INCA1: variants seen among roughly 807,000 people sequenced by gnomAD.
INCA1 encodes the protein inhibitor of CDK, cyclin A1 interacting protein 1, also known as protein INCA1.
Under a neutral mutation model 25.7 loss-of-function variants are expected in INCA1, and 28 were observed. That is an observed-to-expected ratio of 1.09 (90% CI 0.81 to 1.49). The LOEUF is 1.49. Ranked by LOEUF, INCA1 falls within the 40% of genes most tolerant of loss-of-function variation. The pLI, the probability that INCA1 is intolerant of heterozygous loss-of-function variation, is 0.00. For synonymous variants in INCA1, 111 were observed against 103.6 expected (o/e 1.07, Z -0.43); for missense variants, 309 against 290.9 (o/e 1.06, Z -0.45).
intron 3 of INCA1, 78 bp downstream of exon 3, chr17:4,990,074 C>G (rs1458093620): frequency 2.5e-6 from 4 of 1,610,354 alleles, no homozygotes; most frequent in Non-Finnish European, 3.4e-6. Context: ...AGACTAGGGC[C>G]TATTGCTATA....
intron 2 of INCA1, among the ~76,000 whole-genome samples, 156 bp downstream of exon 2, chr17:4,994,238 A>C (rs545439462): frequency 6.6e-6 from 1 of 152,346 alleles, no homozygotes; most frequent in Admixed American, 6.5e-5. Flanking sequence ...TGTAGTGTTC[A>C]AACTATTTGT....
rs369158979 is a variant in INCA1, at chr17:4,988,569, G to T, written c.562-15C>A. ...GACCAAAGCAGCTGTCAAGATGAGAGAAATTGAAAAAGAAAATGGAAAAGT... is the reference window on the plus strand; with the variant it reads ...GACCAAAGCAGCTGTCAAGATGAGATAAATTGAAAAAGAAAATGGAAAAGT... On this transcript the variant is annotated splice_polypyrimidine_tract_variant and intron_variant, in intron 6 of 6. Coordinates refer to ENST00000576820, the Ensembl canonical transcript of INCA1. 7 of 1,605,918 alleles carry T rather than the reference G, an allele frequency of 4.4e-6. No homozygotes were observed. Among genetic ancestry groups the T allele is most frequent in the Non-Finnish European group, 5.9e-6 (7 of 1,177,978 alleles).
chr17:4,988,550 A>C (rs1394312815), exon 7 of INCA1: 2 of 1,609,340 alleles, frequency 1.2e-6, no homozygotes, highest in Admixed American at 3.4e-5. Flanking sequence ...GGGAGACCAA[A>C]GCAGCTGTCA....
chr17:4,988,426 C>T, exon 7 of INCA1: 1 of 1,609,300 alleles, frequency 6.2e-7, no homozygotes, highest in Non-Finnish European at 8.5e-7. Context: ...ACGCTGCCAA[C>T]TCCATCCCCC....
chr17:4,995,680 A>C (rs991173474), intron 1 of INCA1: 1 of 152,274 alleles, frequency 6.6e-6, no homozygotes, highest in African/African-American at 2.4e-5. Context: ...CTGTAATCCC[A>C]GCACTTTGGG....
rs1973681949 is a variant in INCA1, at chr17:4,989,544, CTTCT to C, written c.275_278del (p.Lys92ArgfsTer21). ...GCATTCCTTCCAAACATGGCCTCCT[CTTCT>C]TTCTTCTCCAAAGCATTTCAGGGGG... On this transcript the variant is annotated frameshift_variant, in exon 5 of 7. Coordinates refer to ENST00000576820, the Ensembl canonical transcript of INCA1. LOFTEE classifies it high-confidence loss of function. The C allele has an allele frequency of 1.9e-6, 3 of 1,614,154 alleles. No individual in the cohort carries two copies. The highest frequency in any genetic ancestry group is 1.6e-4 in the Middle Eastern group (1 of 6,084).
intron 3 of INCA1, 92 bp downstream of exon 3, chr17:4,990,060 C>T: frequency 3.1e-6 from 5 of 1,611,290 alleles, no homozygotes; most frequent in Non-Finnish European, 4.2e-6. Context: ...GGGAAATTAA[C>T]CGCAGACTAG....
chr17:4,988,845 A>G, exon 6 of INCA1: 2 of 1,614,194 alleles, frequency 1.2e-6, no homozygotes, highest in Non-Finnish European at 1.7e-6. Context: ...CCTCTTCCAG[A>G]TCAGGGTATT....
At chr17:4,996,422 CTG>C (rs1484266387) in intron 1 of INCA1, among the ~76,000 whole-genome samples, 1 of 150,512 alleles carries the variant, frequency 6.6e-6, no homozygotes, top group African/African-American at 2.4e-5. Context: ...TGGCTCAAGA[CTG>C]TAATCCCAGC....
intron 2 of INCA1, among the ~76,000 whole-genome samples, chr17:4,991,369 C>A (rs1031891507): frequency 6.6e-6 from 1 of 152,166 alleles, no homozygotes; most frequent in African/African-American, 2.4e-5. Flanking sequence ...GCCTTGGCTA[C>A]TCAGGTTATA....
At chr17:4,994,959 C>T (rs1318111531) in intron 1 of INCA1, among the ~76,000 whole-genome samples, 1 of 151,540 alleles carries the variant, frequency 6.6e-6, no homozygotes, top group Non-Finnish European at 1.5e-5. Context: ...TAATCCCAGC[C>T]CTTTGGGAGG....
intron 1 of INCA1, 30 bp from the exon 2 acceptor site, chr17:4,994,505 A>G: frequency 1.3e-6 from 2 of 1,564,932 alleles, no homozygotes. Context: ...GAAGTCATTC[A>G]TTCGGGCTGG....
chr17:4,996,326 A>G (rs184870101), intron 1 of INCA1, among the ~76,000 whole-genome samples: 156 of 151,786 alleles, frequency 1.0e-3, no homozygotes, highest in African/African-American at 3.6e-3. Flanking sequence ...GCAGTGAGGT[A>G]AGATCGCACC....
At chr17:4,994,280 G>C in intron 2 of INCA1, 114 bp downstream of exon 2, 3 of 921,050 alleles carry the variant, frequency 3.3e-6, no homozygotes, top group Non-Finnish European at 5.3e-6. Flanking sequence ...AATCCCCTGA[G>C]ACCAGGCATT....
At chr17:4,993,766 CCTT>C (rs1974038890) in intron 2 of INCA1, among the ~76,000 whole-genome samples, 1 of 138,788 alleles carries the variant, frequency 7.2e-6, no homozygotes, top group Non-Finnish European at 1.5e-5. Context: ...CCGTGCCTGG[CCTT>C]TTTTTTTTTT....
upstream of INCA1, chr17:4,997,363 C>T (rs139484581): frequency 0.014 from 2,166 of 152,418 alleles, 24 homozygotes; most frequent in Non-Finnish European, 0.023. Flanking sequence ...GCAGCTCCGG[C>T]CTTAGGCGGC....
chr17:4,990,309 C>G (rs769493110), intron 2 of INCA1, 44 bp from the exon 3 acceptor site: 4 of 1,573,874 alleles, frequency 2.5e-6, no homozygotes, highest in Non-Finnish European at 3.4e-6. Context: ...TCTTCCCTTA[C>G]AGCAGTCTAC....
intron 6 of INCA1, 90 bp downstream of exon 6, chr17:4,988,689 C>T (rs1273553248): frequency 1.3e-6 from 2 of 1,583,432 alleles, no homozygotes; most frequent in African/African-American, 1.4e-5. Context: ...AAATCCAGCT[C>T]TCCAGCCTGG....
At position 4,994,389 on chromosome 17, in the gene INCA1, C is replaced by G. The variant is rs753818002; in HGVS notation, c.44+5G>C. 2.2e-5 allele frequency: 35 copies of G among 1,613,700 alleles called. No homozygotes were observed. Among genetic ancestry groups the G allele is most frequent in the Non-Finnish European group, 2.9e-5 (34 of 1,179,854 alleles). On this transcript the variant is annotated splice_donor_5th_base_variant and intron_variant, in intron 2 of 6. Coordinates refer to ENST00000576820, the Ensembl canonical transcript of INCA1. ...CCATGCTCCCCACCCAGTGGGAGGA[C>G]TCACTTGGCAAAGGGGATGAGGTTG... is the stretch of plus-strand genomic sequence containing the variant.
Sources: allele counts gnomAD v4.1 joint callset (sites outside exome capture counted in the v4.1 genomes callset), GRCh38; gene constraint gnomAD v4.1.1; transcripts MANE v1.5; gene names NCBI Gene and HGNC (gene_info 2026-07-23, HGNC 2026-07-21).